Variants in PHF5A observed in about 807,000 individuals in gnomAD.
PHF5A encodes PHD finger-like domain-containing protein 5A.
For missense variants in PHF5A, 24 were observed against 140.6 expected, an observed-to-expected ratio of 0.17 and a Z score of 4.19; for synonymous variants, 52 against 46.0, an observed-to-expected ratio of 1.13 and a Z score of -0.52.
At position 41,467,433 on chromosome 22, in the gene PHF5A, A is replaced by G. The variant is rs2037877071; in HGVS notation, c.243+15T>C. On this transcript the variant is annotated intron_variant, in intron 3 of 3. Coordinates refer to ENST00000216252, the MANE Select transcript of PHF5A (RefSeq NM_032758.4). ...ACAAAAGGAGGAAAGGTCAGATGGAAAGCTGTACACTTACGTCCTTCTCCT... is the reference window on the plus strand; with the variant it reads ...ACAAAAGGAGGAAAGGTCAGATGGAGAGCTGTACACTTACGTCCTTCTCCT... 6.2e-7 allele frequency: 1 copy of G among 1,612,922 alleles called. No individual in the cohort carries two copies. The highest frequency in any genetic ancestry group is 8.5e-7 in the Non-Finnish European group (1 of 1,179,640).
At chr22:41,461,979 T>C (rs753617840) in intron 3 of PHF5A, among the ~76,000 whole-genome samples, 4 of 152,162 alleles carry the variant, frequency 2.6e-5, no homozygotes, top group Non-Finnish European at 4.4e-5. Context: ...TTAAATACCA[T>C]AGGAGACTAA....
In PHF5A at chr22:41,467,562, C is replaced by T. The variant is rs765514357; in HGVS notation, c.129G>A (p.Val43=). The change falls in exon 3 of 4, where the codon GTG becomes GTA. Residue 43 remains valine, a synonymous_variant. Transcript: ENST00000216252. The part of the protein sequence containing the change: ...CDSYVRPCTL[V]RICDECNYGS... ...CATAGTTACACTCATCACATATGCG[C>T]ACCAGAGTGCAGGGACGCACATAGG... The T allele has an allele frequency of 1.2e-6, 2 of 1,614,216 alleles. No homozygotes were observed. The highest frequency in any genetic ancestry group is 2.2e-5 in the East Asian group (1 of 44,888).
rs1555884798 is a variant in PHF5A at position 41,459,912 on chromosome 22, C to CCCCA, written c.*485_*486insTGGG. The CCCCA allele has an allele frequency of 9.5e-6, 1 of 105,118 alleles. No individual in the cohort carries two copies. Among genetic ancestry groups the CCCCA allele is most frequent in the African/African-American group, 3.9e-5 (1 of 25,858 alleles). The allele number at this position is 105,118 out of a possible 1,614,324, so 6.5% of individuals were successfully genotyped here. A position where few individuals can be genotyped will look rare whatever the true frequency, so the allele number is the denominator to read the frequency against. ...AGGGCAGAGCCCTGCCCCCCCACCCCCCCCCCAAAAAAAACGGGAAATGCC... is the reference window on the plus strand; with the variant it reads ...AGGGCAGAGCCCTGCCCCCCCACCCCCCCACCCCCCAAAAAAAACGGGAAATGCC... On this transcript the variant is annotated 3_prime_UTR_variant, in exon 4 of 4. Transcript: ENST00000216252.
intron 3 of PHF5A, among the ~76,000 whole-genome samples, chr22:41,462,817 G>C (rs1175462905): frequency 6.6e-6 from 1 of 151,548 alleles, no homozygotes; most frequent in African/African-American, 2.4e-5. Flanking sequence ...AAGGTACCAA[G>C]TAATGGTATG....
chr22:41,468,584 G>T lies in PHF5A; in HGVS notation c.52+18C>A, dbSNP rs769611900. The T allele has an allele frequency of 2.5e-6, 4 of 1,613,888 alleles. No individual in the cohort carries two copies. In the Admixed American group the frequency reaches 6.7e-5, roughly 27 times the overall value. Reference sequence around the variant, plus strand: ...TACCACCCCTGCCCAGACAGCCAGGGGTAGGGCGCAGTCTCACCAACACCA... The same window carrying T: ...TACCACCCCTGCCCAGACAGCCAGGTGTAGGGCGCAGTCTCACCAACACCA... On this transcript the variant is annotated intron_variant, in intron 1 of 3. Transcript: ENST00000216252.
intron 1 of PHF5A, 200 bp from the exon 2 acceptor site, chr22:41,468,347 G>A: frequency 1.5e-6 from 1 of 653,972 alleles, no homozygotes; most frequent in East Asian, 2.7e-5. Context: ...CCAACGCCCT[G>A]GGCAAGCTCA....
intron 3 of PHF5A, 74 bp downstream of exon 3, chr22:41,467,374 T>G: frequency 7.2e-7 from 1 of 1,395,780 alleles, no homozygotes. Flanking sequence ...CCATAGACCA[T>G]AGGAGATTGC....
intron 3 of PHF5A, 132 bp from the exon 4 acceptor site, chr22:41,460,619 G>A (rs61692244): frequency 2.6e-4 from 141 of 542,654 alleles, no homozygotes; most frequent in African/African-American, 2.5e-3. Flanking sequence ...GAGGCAGGAG[G>A]ATTGCTGAAG....
chr22:41,467,942 T>C (rs2146066202), intron 2 of PHF5A, 182 bp downstream of exon 2: 1 of 648,842 alleles, frequency 1.5e-6, no homozygotes, highest in Non-Finnish European at 2.7e-6. Context: ...ACTAGAGAGA[T>C]ACAGCGTTAA....
intron 3 of PHF5A, among the ~76,000 whole-genome samples, chr22:41,466,879 G>A (rs1467389076): frequency 6.6e-6 from 1 of 151,930 alleles, no homozygotes; most frequent in East Asian, 1.9e-4. Flanking sequence ...CCAGCTACTT[G>A]GGAGGATGAG....
At chr22:41,460,564 A>C in intron 3 of PHF5A, 77 bp from the exon 4 acceptor site, 1 of 1,212,886 alleles carries the variant, frequency 8.2e-7, no homozygotes, top group South Asian at 1.4e-5. Context: ...ATTTAAGCCC[A>C]GTGTGGTAGC....
intron 3 of PHF5A, among the ~76,000 whole-genome samples, chr22:41,465,981 A>G (rs970666756): frequency 6.6e-6 from 1 of 152,230 alleles, no homozygotes; most frequent in Non-Finnish European, 1.5e-5. Flanking sequence ...AGGAACTACA[A>G]AATGGGCATC....
chr22:41,464,720 G>A (rs1377437341), intron 3 of PHF5A, among the ~76,000 whole-genome samples: 4 of 152,204 alleles, frequency 2.6e-5, no homozygotes. Context: ...TCAAGAAAAT[G>A]CTGTCTTAAA....
At chr22:41,466,258 TA>T (rs2037865525) in intron 3 of PHF5A, among the ~76,000 whole-genome samples, 1 of 151,996 alleles carries the variant, frequency 6.6e-6, no homozygotes, top group Admixed American at 6.6e-5. Context: ...AAAAATGGGG[TA>T]AATCTTGCCT....
chr22:41,468,263 T>G, intron 1 of PHF5A, 116 bp from the exon 2 acceptor site: 1 of 912,344 alleles, frequency 1.1e-6, no homozygotes, highest in Non-Finnish European at 1.7e-6. Flanking sequence ...GAGTGAGACC[T>G]GCGGATAGCC....
intron 3 of PHF5A, among the ~76,000 whole-genome samples, chr22:41,463,310 G>C (rs541382045): frequency 1.3e-5 from 2 of 152,036 alleles, no homozygotes; most frequent in African/African-American, 4.8e-5. Context: ...ACTGAGTCAC[G>C]ACGGGCGTGG....
chr22:41,468,684 T>C lies in PHF5A; in HGVS notation c.-31A>G, dbSNP rs112634000. The stretch of plus-strand genomic sequence containing the variant: ...CTAACTAAGCCGGCCACCGGAAGCT[T>C]CGGGAACTTCCGTCCGACCTTTAAC... On this transcript the variant is annotated 5_prime_UTR_variant, in exon 1 of 4. Coordinates refer to ENST00000216252, the MANE Select transcript of PHF5A (RefSeq NM_032758.4). 2,893 of 1,609,092 alleles carry C rather than the reference T, an allele frequency of 1.8e-3. 60 individuals are homozygous for C. The African/African-American group carries it at 0.036, about 20-fold the overall frequency.
rs569271036 is a variant in PHF5A at position 41,467,567 on chromosome 22, G to A, written c.124C>T (p.Leu42=). The part of the protein sequence containing the change: ...ICDSYVRPCT[L]VRICDECNYG... ...TTACACTCATCACATATGCGCACCA[G>A]AGTGCAGGGACGCACATAGGAGTCA... Residue 42 remains leucine, a synonymous_variant, in exon 3 of 4, where the codon CTG becomes TTG. Coordinates refer to ENST00000216252, the MANE Select transcript of PHF5A (RefSeq NM_032758.4). The A allele has an allele frequency of 6.2e-7, 1 of 1,614,194 alleles. No homozygotes were observed. Among genetic ancestry groups the A allele is most frequent in the South Asian group, 1.1e-5 (1 of 91,084 alleles).
intron 3 of PHF5A, among the ~76,000 whole-genome samples, chr22:41,462,796 A>G (rs895666058): frequency 6.6e-6 from 1 of 152,134 alleles, no homozygotes; most frequent in African/African-American, 2.4e-5. Flanking sequence ...TAGATACCCA[A>G]ATATTCCTGG....
Sources: allele counts gnomAD v4.1 joint callset (sites outside exome capture counted in the v4.1 genomes callset), GRCh38; gene constraint gnomAD v4.1.1; transcripts MANE v1.5; gene names NCBI Gene and HGNC (gene_info 2026-07-23, HGNC 2026-07-21).